Variants in PEDS1 observed in about 807,000 individuals in gnomAD.
The protein encoded by PEDS1 is plasmanylethanolamine desaturase 1, also known as CarF homolog.
A neutral mutation model predicts 35.2 loss-of-function variants in PEDS1; 14 were observed. That is an observed-to-expected ratio of 0.40 (90% CI 0.26 to 0.62). PEDS1 has a LOEUF of 0.62. PEDS1 is among the 20% of genes least tolerant of loss of function. The probability of loss-of-function intolerance (pLI) is 0.44; values close to 1 mark genes in which losing one functional copy is unlikely to be tolerated. For missense variants in PEDS1, 260 were observed against 367.8 expected (o/e 0.71, Z 2.40); for synonymous variants, 152 against 152.0 (o/e 1.00, Z 0.00).
Position 50,143,554 on chromosome 20 carries a change from A to G in PEDS1, c.189T>C (p.His63=). ...CCTCCCAGCGGGCCAGCAGCAGGAG[A>G]TGGACCAGGTTGTGGGCGATGAGGC... is the stretch of plus-strand genomic sequence containing the variant. ...CFSLIAHNLV[H]LLLLARWEDT... The change falls in exon 2 of 6, where the codon CAT becomes CAC. Residue 63 remains histidine, a synonymous_variant. Coordinates refer to ENST00000371652, the MANE Select transcript of PEDS1 (RefSeq NM_199129.4). 6.2e-7 allele frequency: 1 copy of G among 1,613,748 alleles called. No individual in the cohort carries two copies. Among genetic ancestry groups the G allele is most frequent in the Non-Finnish European group, 8.5e-7 (1 of 1,179,930 alleles).
In PEDS1 at chr20:50,118,643, A is replaced by T. The variant is rs1429138141; in HGVS notation, c.*6415T>A. The T allele has an allele frequency of 6.6e-6, 1 of 151,544 alleles. No homozygotes were observed. The highest frequency in any genetic ancestry group is 1.5e-5 in the Non-Finnish European group (1 of 67,882). The allele number at this position is 151,544 out of a possible 1,614,324, so 9.4% of individuals were successfully genotyped here. ...TTTTTTTTTGTTTTTTTTTTGAGAC[A>T]GAGTCTCGCTGTGTCGCCCAGGCTG... On this transcript the variant is annotated 3_prime_UTR_variant, in exon 6 of 6. Transcript: ENST00000371652.
rs1197509866 is a variant in PEDS1, at chr20:50,129,924, T to G, written c.334-234A>C. On this transcript the variant is annotated intron_variant, in intron 3 of 5. Transcript: ENST00000371652. The surrounding 1 kb of genome is among the most constrained non-coding windows in gnomAD (Gnocchi z 4.2). ...GGGCTTTGGGTTGGCACTGTCTGCC[T>G]CTGGGCCTCAGTCTCCCTACCTGTG... Among the ~76,000 whole-genome samples, 1 of 152,184 alleles carries G rather than the reference T, an allele frequency of 6.6e-6. No individual in the cohort carries two copies. The highest frequency in any genetic ancestry group is 2.4e-5 in the African/African-American group (1 of 41,452).
intron 5 of PEDS1, among the ~76,000 whole-genome samples, chr20:50,125,544 TTATCTATCTATCTATCTATCTATCTATC>T (rs57011944): frequency 6.8e-6 from 1 of 147,382 alleles, no homozygotes; most frequent in Non-Finnish European, 1.5e-5. Context: ...ACATTACCCT[TTATCTATCTATCTATCTATCTATCTATC>T]TATCTATCTA....
At chr20:50,142,250 A>T (rs1050005518) in intron 2 of PEDS1, among the ~76,000 whole-genome samples, 1 of 152,262 alleles carries the variant, frequency 6.6e-6, no homozygotes, top group Non-Finnish European at 1.5e-5. Flanking sequence ...AATTCAAAAA[A>T]TACTGAGCAC....
At chr20:50,151,531 G>A (rs1188788612) in intron 1 of PEDS1, among the ~76,000 whole-genome samples, 1 of 152,160 alleles carries the variant, frequency 6.6e-6, no homozygotes, top group Non-Finnish European at 1.5e-5. Context: ...GAGAGGTGAG[G>A]CGGATCCCCC....
At chr20:50,131,514 C>G (rs138138962) in intron 2 of PEDS1, among the ~76,000 whole-genome samples, 1 of 151,388 alleles carries the variant, frequency 6.6e-6, no homozygotes, top group Non-Finnish European at 1.5e-5. Flanking sequence ...CTCAACTACT[C>G]GGGAAGCTGA....
Position 50,129,032 on chromosome 20 carries a change from G to A in PEDS1, c.478+514C>T, listed in dbSNP as rs751748390. ...AAATGGGTGTTAAGGTGCTGGAACA[G>A]GACCGGGCCCCAACCTACCTCCACC... On this transcript the variant is annotated intron_variant, in intron 4 of 5. Transcript: ENST00000371652. This position sits in a 1 kb window ranked among gnomAD's most constrained non-coding sequence, Gnocchi z 4.2. 5.3e-5 allele frequency among the ~76,000 whole-genome samples: 8 copies of A among 152,224 alleles called. No homozygotes were observed. Among genetic ancestry groups the A allele is most frequent in the Non-Finnish European group, 1.2e-4 (8 of 68,042 alleles).
At chr20:50,139,171 T>C (rs1158846583) in intron 2 of PEDS1, among the ~76,000 whole-genome samples, 1 of 152,168 alleles carries the variant, frequency 6.6e-6, no homozygotes, top group African/African-American at 2.4e-5. Context: ...ACCTCATCCC[T>C]GACCTCTGGA....
intron 1 of PEDS1, among the ~76,000 whole-genome samples, chr20:50,153,159 G>A (rs1601239384): frequency 6.6e-6 from 1 of 151,142 alleles, no homozygotes; most frequent in East Asian, 2.0e-4. Flanking sequence ...CTTGGACCGG[G>A]TCCTGGGGGG....
chr20:50,153,303 G>A (rs2081425000), intron 1 of PEDS1, among the ~76,000 whole-genome samples: 1 of 152,096 alleles, frequency 6.6e-6, no homozygotes, highest in South Asian at 2.1e-4. Context: ...TCTTGATCTG[G>A]GGAGTGTCTC....
chr20:50,146,595 G>C (rs890577555), intron 1 of PEDS1, among the ~76,000 whole-genome samples: 1 of 152,176 alleles, frequency 6.6e-6, no homozygotes, highest in East Asian at 1.9e-4. Context: ...GCCTTCTCCA[G>C]GTCACACAAC....
rs2081431621 is a variant in PEDS1, at chr20:50,153,691, C to T, written c.-54G>A. 1 of 1,185,612 alleles carries T rather than the reference C, an allele frequency of 8.4e-7. No homozygotes were observed. The highest frequency in any genetic ancestry group is 1.0e-6 in the Non-Finnish European group (1 of 958,766). 73.4% of individuals were successfully genotyped at this position (1,185,612 alleles called of 1,614,324 possible). A position where few individuals can be genotyped will look rare whatever the true frequency, so the allele number is the denominator to read the frequency against. ...TCTGCTGGCGGCGGCGGCGGCAGGG[C>T]CGCGGAACCGCGGCGAGATCACGCC... On this transcript the variant is annotated 5_prime_UTR_variant, in exon 1 of 6. Transcript: ENST00000371652.
intron 2 of PEDS1, among the ~76,000 whole-genome samples, chr20:50,142,292 G>C (rs1011290580): frequency 6.6e-6 from 1 of 152,218 alleles, no homozygotes; most frequent in Non-Finnish European, 1.5e-5. Context: ...GCTTGAGCTA[G>C]GGACACAGCA....
At position 50,120,714 on chromosome 20, in the gene PEDS1, C is replaced by T. The variant is rs755443331; in HGVS notation, c.*4344G>A. Reference sequence around the variant, plus strand: ...ACTAGCTGGGGGTGGTGGCACATGTCTGTCGTTCCCGCTATTCAAGAGGCT... The same window carrying T: ...ACTAGCTGGGGGTGGTGGCACATGTTTGTCGTTCCCGCTATTCAAGAGGCT... On this transcript the variant is annotated 3_prime_UTR_variant, in exon 6 of 6. Coordinates refer to ENST00000371652, the MANE Select transcript of PEDS1 (RefSeq NM_199129.4). 1 of 152,132 alleles carries T rather than the reference C, an allele frequency of 6.6e-6. No homozygotes were observed. Among genetic ancestry groups the T allele is most frequent in the Non-Finnish European group, 1.5e-5 (1 of 68,110 alleles). 9.4% of individuals were successfully genotyped at this position (152,132 alleles called of 1,614,324 possible).
chr20:50,151,014 C>T (rs2081397453), intron 1 of PEDS1, among the ~76,000 whole-genome samples: 1 of 152,102 alleles, frequency 6.6e-6, no homozygotes, highest in South Asian at 2.1e-4. Context: ...TTTTTTCTGT[C>T]TTGTTCACCA....
intron 2 of PEDS1, among the ~76,000 whole-genome samples, chr20:50,141,087 G>T (rs2147292984): frequency 6.6e-6 from 1 of 152,294 alleles, no homozygotes; most frequent in Middle Eastern, 3.4e-3. Context: ...CACACACCTG[G>T]GCTCTGATCC....
chr20:50,153,409 C>T (rs2081426247), intron 1 of PEDS1, 108 bp downstream of exon 1: 1 of 1,230,184 alleles, frequency 8.1e-7, no homozygotes, highest in East Asian at 3.2e-5. Flanking sequence ...GTTAGACACC[C>T]GGGCTGGAGT....
At position 50,129,570 on chromosome 20, in the gene PEDS1, A is replaced by G. The variant is rs140428152; in HGVS notation, c.454T>C (p.Tyr152His). 37 of 1,613,924 alleles carry G rather than the reference A, an allele frequency of 2.3e-5. No homozygotes were observed. In the African/African-American group the frequency reaches 4.5e-4, roughly 20 times the overall value. ...CCAGGGCTGTGGGTGCGGAACTTGT[A>G]GGCCATGTTTAGCAGCGGCAGCAGT... ...VTLLPLLNMA[Y>H]KFRTHSPEAL... Residue 152 changes from tyrosine (Y) to histidine (H), a missense_variant, in exon 4 of 6, where the codon TAC (tyrosine) becomes CAC (histidine). Around this residue, in one of 4 missense-constraint regions of PEDS1, gnomAD observed 29 missense variants for 21.5 expected, o/e 1.35. Transcript: ENST00000371652. The surrounding 1 kb of genome is among the most constrained non-coding windows in gnomAD (Gnocchi z 4.2).
At chr20:50,125,472 A>G (rs922134527) in intron 5 of PEDS1, among the ~76,000 whole-genome samples, 1 of 152,094 alleles carries the variant, frequency 6.6e-6, no homozygotes, top group African/African-American at 2.4e-5. Context: ...ACTCAGCTCA[A>G]ATGCTACCTC....
Sources: allele counts gnomAD v4.1 joint callset (sites outside exome capture counted in the v4.1 genomes callset), GRCh38; gene constraint gnomAD v4.1.1; regional missense constraint gnomAD v4.1.1; non-coding constraint Gnocchi (gnomAD v3.1); transcripts MANE v1.5; gene names NCBI Gene and HGNC (gene_info 2026-07-23, HGNC 2026-07-21).